The following IARS1 variants were observed in gnomAD, a reference collection of about 807,000 sequenced individuals.
The protein encoded by IARS1 is isoleucine--tRNA ligase, cytoplasmic.
In IARS1, 124 loss-of-function variants were observed where a neutral mutation model predicts 168.2. The ratio of observed to expected loss-of-function variants is 0.74; its 90% confidence interval spans 0.64 to 0.86. IARS1 has a LOEUF of 0.86. IARS1 is among the 40% of genes least tolerant of loss of function. The probability of loss-of-function intolerance (pLI) is 0.00; values close to 1 mark genes in which losing one functional copy is unlikely to be tolerated. For missense variants in IARS1, 1,452 were observed against 1,515.8 expected (o/e 0.96, Z 0.70); for synonymous variants, 532 against 529.4 (o/e 1.00, Z -0.07).
intron 14 of IARS1, among the ~76,000 whole-genome samples, chr9:92,265,841 T>C (rs189320285): frequency 5.3e-5 from 8 of 152,156 alleles, no homozygotes; most frequent in African/African-American, 1.9e-4. Flanking sequence ...GTATTTTTAG[T>C]AAAGACAGGG....
intron 28 of IARS1, chr9:92,242,689 T>G (rs1052425792): frequency 8.7e-6 from 2 of 231,070 alleles, no homozygotes; most frequent in Non-Finnish European, 1.7e-5. Flanking sequence ...TTGAACCGTC[T>G]GGGAAGAAAG....
Position 92,236,020 on chromosome 9 carries a change from C to T in IARS1, c.3283+4836G>A, listed in dbSNP as rs527692409. Among the ~76,000 whole-genome samples the T allele has an allele frequency of 2.6e-5, 4 of 151,034 alleles. 1 individual carries two copies. The South Asian group carries it at 6.3e-4, about 24-fold the overall frequency. On this transcript the variant is annotated intron_variant, in intron 30 of 33. Transcript: ENST00000443024. ...TTTTGAGACAGAGTCTCGCTGTTGT[C>T]GGCCTGGGCTGGAGTGCAATGGCAC...
intron 20 of IARS1, among the ~76,000 whole-genome samples, chr9:92,255,438 T>C (rs1208567551): frequency 6.6e-6 from 1 of 152,162 alleles, no homozygotes; most frequent in African/African-American, 2.4e-5. Context: ...GTGTCCCAGA[T>C]TTCTCACCTG....
At chr9:92,237,418 T>C (rs553937988) in intron 30 of IARS1, among the ~76,000 whole-genome samples, 7 of 152,312 alleles carry the variant, frequency 4.6e-5, no homozygotes, top group Non-Finnish European at 7.4e-5. Context: ...ACTGTATTAA[T>C]TGGTTGAGGT....
chr9:92,224,065 GA>G (rs1258502955), intron 31 of IARS1, among the ~76,000 whole-genome samples: 1 of 152,226 alleles, frequency 6.6e-6, no homozygotes, highest in East Asian at 1.9e-4. Context: ...CTGGCTCAGG[GA>G]ACAAGGAAAC....
Position 92,256,773 on chromosome 9 carries a change from C to A in IARS1, c.2044G>T (p.Glu682Ter). The A allele has an allele frequency of 1.2e-6, 2 of 1,613,336 alleles. No homozygotes were observed. The highest frequency in any genetic ancestry group is 8.5e-7 in the Non-Finnish European group (1 of 1,179,420). Residue 682 changes from glutamate (E) to a stop codon, truncating the protein, a stop_gained, in exon 20 of 34, where the codon GAG (glutamate) becomes TAG (stop). Coordinates refer to ENST00000443024, the MANE Select transcript of IARS1 (RefSeq NM_002161.6). LOFTEE classifies it high-confidence loss of function. ...TTGGGGCTTTCTCTAACCGTGTTCT[C>A]ATTGTAGAGAAATTCTATTTCTTCC... ...KEEEIEFLYN[E>*]NTVRESPNIT...
rs769662510 is a variant in IARS1, at chr9:92,223,506, C to T, written c.3410-17G>A. ...TTTGTATTTCTAAAAATAACAACAA[C>T]AATTCTTTCAGGGTTAACGAACAAA... On this transcript the variant is annotated splice_polypyrimidine_tract_variant and intron_variant, in intron 31 of 33. Coordinates refer to ENST00000443024, the MANE Select transcript of IARS1 (RefSeq NM_002161.6). 2.5e-6 allele frequency: 4 copies of T among 1,602,734 alleles called. No homozygotes were observed. The highest frequency in any genetic ancestry group is 1.7e-5 in the Admixed American group (1 of 58,968).
intron 33 of IARS1, among the ~76,000 whole-genome samples, chr9:92,216,397 G>T (rs1466421556): frequency 1.3e-5 from 2 of 148,664 alleles, no homozygotes; most frequent in Non-Finnish European, 3.0e-5. Context: ...ACATCATAAT[G>T]ACAGGATCAA....
At chr9:92,265,576 G>A in intron 14 of IARS1, 23 bp from the exon 15 acceptor site, 1 of 1,595,514 alleles carries the variant, frequency 6.3e-7, no homozygotes, top group Non-Finnish European at 8.6e-7. Context: ...AAGTTCAATA[G>A]CAGGAGCTCC....
chr9:92,266,257 C>T (rs1054801078), intron 14 of IARS1, among the ~76,000 whole-genome samples: 5 of 152,206 alleles, frequency 3.3e-5, no homozygotes, highest in Non-Finnish European at 7.3e-5. Flanking sequence ...TTCCTCCTGG[C>T]ACCTGAATCT....
chr9:92,260,281 G>T (rs1564176118), intron 17 of IARS1, 47 bp from the exon 18 acceptor site: 1 of 1,143,414 alleles, frequency 8.7e-7, no homozygotes, highest in South Asian at 1.2e-5. Context: ...CAATATCACA[G>T]ATGATCTTGT....
intron 30 of IARS1, among the ~76,000 whole-genome samples, chr9:92,232,220 T>C (rs1256910261): frequency 6.6e-6 from 1 of 152,232 alleles, no homozygotes; most frequent in Non-Finnish European, 1.5e-5. Flanking sequence ...CCACTGGTAA[T>C]TTACAGCCTA....
chr9:92,278,492 G>A (rs1412124578), intron 7 of IARS1, among the ~76,000 whole-genome samples: 1 of 152,080 alleles, frequency 6.6e-6, no homozygotes, highest in Admixed American at 6.6e-5. Flanking sequence ...AATGCACTTA[G>A]GCAGTTGGTA....
At chr9:92,291,146 C>A (rs762741466) in intron 1 of IARS1, among the ~76,000 whole-genome samples, 1 of 152,092 alleles carries the variant, frequency 6.6e-6, no homozygotes, top group Admixed American at 6.6e-5. Flanking sequence ...ACCCTTGAGA[C>A]CTTTCCTTCT....
At chr9:92,249,772 A>G in intron 25 of IARS1, 86 bp downstream of exon 25, 1 of 650,402 alleles carries the variant, frequency 1.5e-6, no homozygotes. Context: ...AATAAATTAT[A>G]GAGTCAATAT....
chr9:92,251,996 C>T lies in IARS1; in HGVS notation c.2230-111G>A, dbSNP rs548827470. ...CTTCAAAGAACATGCAGCATACAGA[C>T]AAGACATGAGACAGAGAAAGGAGAA... On this transcript the variant is annotated intron_variant, in intron 21 of 33. Transcript: ENST00000443024. 132 of 780,828 alleles carry T rather than the reference C, an allele frequency of 1.7e-4. No individual in the cohort carries two copies. The South Asian group carries it at 1.8e-3, about 11-fold the overall frequency. The allele number at this position is 780,828 out of a possible 1,614,324, so 48.4% of individuals were successfully genotyped here.
intron 20 of IARS1, among the ~76,000 whole-genome samples, chr9:92,255,788 A>G (rs1332163308): frequency 6.8e-6 from 1 of 147,906 alleles, no homozygotes; most frequent in Non-Finnish European, 1.5e-5. Context: ...AGGTCAAGAT[A>G]GGCTGAATAA....
chr9:92,222,340 C>CAATAA (rs1839786870), intron 33 of IARS1, among the ~76,000 whole-genome samples, 180 bp downstream of exon 33: 1 of 55,374 alleles, frequency 1.8e-5, no homozygotes, highest in Non-Finnish European at 3.2e-5. Flanking sequence ...GACTCAGTCT[C>CAATAA]AAAAAAAAAA....
intron 5 of IARS1, 58 bp downstream of exon 5, chr9:92,286,478 A>G: frequency 2.2e-6 from 2 of 892,210 alleles, no homozygotes; most frequent in Non-Finnish European, 3.6e-6. Flanking sequence ...GCATTTTTCC[A>G]ATTATCAATA....
Sources: allele counts gnomAD v4.1 joint callset (sites outside exome capture counted in the v4.1 genomes callset), GRCh38; gene constraint gnomAD v4.1.1; transcripts MANE v1.5; gene names NCBI Gene and HGNC (gene_info 2026-07-23, HGNC 2026-07-21).